The following CTNNA3 variants were observed in gnomAD, a reference collection of about 807,000 sequenced individuals.
CTNNA3 encodes the protein catenin alpha 3.
CTNNA3 carries 76 observed loss-of-function variants against 95.7 expected under a neutral mutation model. The ratio of observed to expected loss-of-function variants is 0.79; its 90% CI spans 0.66 to 0.96. CTNNA3 has a LOEUF of 0.96. Ranked by LOEUF, CTNNA3 falls within the 40% of genes least tolerant of loss-of-function variation. The probability of loss-of-function intolerance (pLI) is 0.00; values close to 1 mark genes in which losing one functional copy is unlikely to be tolerated. For synonymous variants in CTNNA3, 431 were observed against 374.4 expected (o/e 1.15, Z -1.74); for missense variants, 1,191 against 1,089.8 (o/e 1.09, Z -1.31).
At chr10:65,999,487 C>A (rs1225401907) in intron 15 of CTNNA3, among the ~76,000 whole-genome samples, 1 of 152,158 alleles carries the variant, frequency 6.6e-6, no homozygotes, top group Non-Finnish European at 1.5e-5. Context: ...CTATCTTAAG[C>A]ACATGTAGAA....
intron 15 of CTNNA3, among the ~76,000 whole-genome samples, chr10:66,037,520 C>T (rs989835341): frequency 1.3e-5 from 2 of 152,124 alleles, no homozygotes; most frequent in Non-Finnish European, 2.9e-5. Flanking sequence ...TTAAGCCTCA[C>T]CTTAACCATA....
chr10:67,264,392 G>T (rs1253531255), intron 5 of CTNNA3, among the ~76,000 whole-genome samples: 2 of 152,078 alleles, frequency 1.3e-5, no homozygotes, highest in Non-Finnish European at 2.9e-5. Context: ...TATGTTCCAG[G>T]TATACTGTCT....
At chr10:65,943,541 G>A (rs539419834) in intron 17 of CTNNA3, among the ~76,000 whole-genome samples, 14 of 152,238 alleles carry the variant, frequency 9.2e-5, no homozygotes, top group Non-Finnish European at 1.8e-4. Flanking sequence ...CAACTAGCAG[G>A]GTGAATGGTA....
intron 9 of CTNNA3, among the ~76,000 whole-genome samples, chr10:66,666,344 T>TGGTCCCCACCAC (rs1415438216): frequency 8.5e-5 from 13 of 152,168 alleles, no homozygotes; most frequent in Admixed American, 5.2e-4. Flanking sequence ...TTTTCTACCA[T>TGGTCCCCACCAC]GGTCCCCACC....
chr10:66,574,093 T>C (rs188045632), intron 10 of CTNNA3, among the ~76,000 whole-genome samples: 4 of 152,260 alleles, frequency 2.6e-5, no homozygotes, highest in Middle Eastern at 3.4e-3. Context: ...ACTGTGCAGA[T>C]AGTTGACATA....
At chr10:66,386,078 T>G (rs1176457594) in intron 11 of CTNNA3, among the ~76,000 whole-genome samples, 2 of 152,100 alleles carry the variant, frequency 1.3e-5, no homozygotes, top group East Asian at 3.9e-4. Context: ...CAACATAGTG[T>G]TGGAAGTTCT....
At chr10:66,423,362 A>G (rs1249073408) in intron 11 of CTNNA3, among the ~76,000 whole-genome samples, 1 of 152,132 alleles carries the variant, frequency 6.6e-6, no homozygotes, top group Non-Finnish European at 1.5e-5. Context: ...AATTTGTAAA[A>G]TATGGGAATA....
intron 11 of CTNNA3, among the ~76,000 whole-genome samples, chr10:66,414,649 C>A (rs536610583): frequency 6.6e-6 from 1 of 152,270 alleles, no homozygotes; most frequent in South Asian, 2.1e-4. Flanking sequence ...CATTTTAGAA[C>A]TTTGCCTGCA....
intron 7 of CTNNA3, among the ~76,000 whole-genome samples, chr10:66,775,809 C>G (rs1840273462): frequency 6.6e-6 from 1 of 152,130 alleles, no homozygotes; most frequent in Admixed American, 6.6e-5. Context: ...CTCTGATCTT[C>G]ATTTTTAACA....
At chr10:67,464,516 C>A (rs1390222357) in intron 5 of CTNNA3, among the ~76,000 whole-genome samples, 1 of 152,100 alleles carries the variant, frequency 6.6e-6, no homozygotes, top group African/African-American at 2.4e-5. Context: ...GAGCAGACAG[C>A]CTGTATGTTT....
chr10:67,433,726 T>C (rs961151320), intron 5 of CTNNA3, among the ~76,000 whole-genome samples: 1 of 152,092 alleles, frequency 6.6e-6, no homozygotes, highest in Admixed American at 6.6e-5. Flanking sequence ...ATAAAATGAA[T>C]GAATAAATGA....
chr10:66,703,244 G>A (rs1312257272), intron 9 of CTNNA3, among the ~76,000 whole-genome samples: 1 of 152,078 alleles, frequency 6.6e-6, no homozygotes, highest in Non-Finnish European at 1.5e-5. Context: ...CGTTCCAAGT[G>A]TTAGCAATGG....
At chr10:66,928,965 A>T (rs1384651532) in intron 7 of CTNNA3, among the ~76,000 whole-genome samples, 1 of 152,196 alleles carries the variant, frequency 6.6e-6, no homozygotes. Context: ...CCAATGCCTG[A>T]CTTAGAAAAG....
At chr10:67,378,178 T>C (rs1843768628) in intron 5 of CTNNA3, among the ~76,000 whole-genome samples, 1 of 152,196 alleles carries the variant, frequency 6.6e-6, no homozygotes, top group South Asian at 2.1e-4. Context: ...ACAGTGATAT[T>C]TGTTCCAAAC....
chr10:66,184,140 A>G (rs1014455677), intron 13 of CTNNA3, among the ~76,000 whole-genome samples: 6 of 152,106 alleles, frequency 3.9e-5, no homozygotes, highest in African/African-American at 1.2e-4. Flanking sequence ...TCTATTAAAA[A>G]ATACAAAAAT....
chr10:66,280,397 C>T, intron 13 of CTNNA3, 73 bp downstream of exon 13: 1 of 1,308,248 alleles, frequency 7.6e-7, no homozygotes, highest in Non-Finnish European at 1.1e-6. Context: ...TAAAGCATTT[C>T]TTGCAGTCAT....
intron 11 of CTNNA3, among the ~76,000 whole-genome samples, chr10:66,460,513 T>C (rs2093522060): frequency 1.3e-5 from 2 of 152,140 alleles, no homozygotes; most frequent in Admixed American, 6.6e-5. Flanking sequence ...ACCATGCTTG[T>C]TCTAGAAGGT....
At chr10:67,343,780 A>G (rs1416909097) in intron 5 of CTNNA3, among the ~76,000 whole-genome samples, 1 of 151,798 alleles carries the variant, frequency 6.6e-6, no homozygotes, top group Non-Finnish European at 1.5e-5. Context: ...TAGGACTTCC[A>G]GTACTATGTT....
intron 2 of CTNNA3, among the ~76,000 whole-genome samples, chr10:67,621,541 A>C (rs1843844585): frequency 6.6e-6 from 1 of 152,086 alleles, no homozygotes; most frequent in Non-Finnish European, 1.5e-5. Context: ...CGAGGTCAGG[A>C]GTTCAAAACC....
Sources: gnomAD v4.1 joint callset for allele counts (sites outside exome capture counted in the v4.1 genomes callset) on GRCh38, gnomAD v4.1.1 for gene constraint, MANE v1.5 for transcripts, NCBI Gene and HGNC (gene_info 2026-07-23, HGNC 2026-07-21) for gene names.